EFR3A: variants seen among roughly 807,000 people sequenced by gnomAD.
EFR3A encodes EFR3 homolog A, also known as protein EFR3 homolog A.
A neutral mutation model predicts 104.4 loss-of-function variants in EFR3A; 76 were observed. The ratio of observed to expected loss-of-function variants is 0.73; its 90% CI spans 0.60 to 0.88. EFR3A has a LOEUF of 0.88. EFR3A is among the 40% of genes least tolerant of loss of function. The pLI is 0.00. For missense variants in EFR3A, 985 were observed against 1,012.5 expected, an observed-to-expected ratio of 0.97 and a Z score of 0.37; for synonymous variants, 330 against 330.0, an observed-to-expected ratio of 1.00 and a Z score of 0.00.
At chr8:131,990,139 TC>T (rs1821096167) in intron 18 of EFR3A, among the ~76,000 whole-genome samples, 1 of 152,218 alleles carries the variant, frequency 6.6e-6, no homozygotes, top group Non-Finnish European at 1.5e-5. Flanking sequence ...GTCCCTACTT[TC>T]ACAAAGCTCA....
intron 22 of EFR3A, among the ~76,000 whole-genome samples, chr8:132,004,270 G>A (rs1354414759): frequency 6.6e-6 from 1 of 152,216 alleles, no homozygotes; most frequent in African/African-American, 2.4e-5. Flanking sequence ...TCAGTCCAGA[G>A]ACCTGTACTG....
At chr8:131,935,323 G>T (rs74509755) in intron 1 of EFR3A, among the ~76,000 whole-genome samples, 13,876 of 152,124 alleles carry the variant, frequency 0.091, 826 homozygotes, top group South Asian at 0.22. Flanking sequence ...TCTGCTTTAT[G>T]CCTGACATGC....
At chr8:131,980,465 T>A (rs1820551260) in intron 14 of EFR3A, among the ~76,000 whole-genome samples, 1 of 152,156 alleles carries the variant, frequency 6.6e-6, no homozygotes, top group Admixed American at 6.6e-5. Context: ...TATTTTTGTA[T>A]TTCTTTATAT....
At chr8:131,978,400 C>G (rs1230477870) in intron 12 of EFR3A, among the ~76,000 whole-genome samples, 3 of 152,174 alleles carry the variant, frequency 2.0e-5, no homozygotes, top group Admixed American at 1.3e-4. Context: ...TATTAACCAA[C>G]TGCCTAATTT....
chr8:131,933,228 C>T (rs185742984), intron 1 of EFR3A, among the ~76,000 whole-genome samples: 63 of 152,152 alleles, frequency 4.1e-4, no homozygotes, highest in South Asian at 2.9e-3. Flanking sequence ...ATTGGGACAC[C>T]GGGGCGGTAT....
At chr8:131,961,586 T>C (rs1819334088) in intron 8 of EFR3A, among the ~76,000 whole-genome samples, 2 of 152,324 alleles carry the variant, frequency 1.3e-5, no homozygotes, top group South Asian at 4.1e-4. Flanking sequence ...TACGTCTGAT[T>C]GGTGTACCTG....
Position 132,013,051 on chromosome 8 carries a change from A to T in EFR3A, c.*2156A>T, listed in dbSNP as rs1031082433. On this transcript the variant is annotated 3_prime_UTR_variant, in exon 23 of 23. Coordinates refer to ENST00000254624, the MANE Select transcript of EFR3A (RefSeq NM_015137.6). ...GATCTTTTCACTGGCTGACTCTCCC[A>T]TATCTGCAAGAGATTCTGCAGGAAC... The T allele has an allele frequency of 6.6e-6, 1 of 152,174 alleles. No homozygotes were observed. The highest frequency in any genetic ancestry group is 2.4e-5 in the African/African-American group (1 of 41,432). The allele number at this position is 152,174 out of a possible 1,614,324, so 9.4% of individuals were successfully genotyped here.
chr8:131,970,046 CTTCA>C (rs1819962957), intron 9 of EFR3A, among the ~76,000 whole-genome samples: 1 of 152,142 alleles, frequency 6.6e-6, no homozygotes, highest in Non-Finnish European at 1.5e-5. Flanking sequence ...CATATTCTCC[CTTCA>C]GTCTCAAAAG....
chr8:131,975,407 T>C (rs1246604642), intron 10 of EFR3A, among the ~76,000 whole-genome samples: 2 of 137,288 alleles, frequency 1.5e-5, no homozygotes, highest in African/African-American at 5.2e-5. Flanking sequence ...TCTTTTTTTT[T>C]TCCTATTTTT....
intron 10 of EFR3A, among the ~76,000 whole-genome samples, chr8:131,970,935 G>C (rs539061444): frequency 2.0e-5 from 3 of 151,194 alleles, no homozygotes; most frequent in Non-Finnish European, 3.0e-5. Context: ...CTCTCTCTCT[G>C]TTTCTTTCTC....
intron 11 of EFR3A, among the ~76,000 whole-genome samples, chr8:131,976,770 T>C (rs1820345834): frequency 6.6e-6 from 1 of 152,144 alleles, no homozygotes; most frequent in Non-Finnish European, 1.5e-5. Flanking sequence ...GGTTGTTTAG[T>C]TGTCTGTTTA....
chr8:131,911,359 A>G (rs1816502193), intron 1 of EFR3A, among the ~76,000 whole-genome samples: 1 of 152,112 alleles, frequency 6.6e-6, no homozygotes, highest in Non-Finnish European at 1.5e-5. Context: ...TAATATATAG[A>G]TGGATATTCA....
intron 1 of EFR3A, among the ~76,000 whole-genome samples, chr8:131,909,382 A>C (rs987529092): frequency 3.3e-5 from 5 of 151,908 alleles, no homozygotes; most frequent in African/African-American, 1.2e-4. Flanking sequence ...CCCCGCCTCT[A>C]CAGAAAAATT....
chr8:131,916,481 A>AT (rs1202967026), intron 1 of EFR3A, among the ~76,000 whole-genome samples: 3 of 152,170 alleles, frequency 2.0e-5, no homozygotes, highest in African/African-American at 7.2e-5. Context: ...GAGATGGAAG[A>AT]TGAGTCCATT....
intron 8 of EFR3A, among the ~76,000 whole-genome samples, chr8:131,966,120 T>C (rs578235468): frequency 3.3e-5 from 5 of 152,044 alleles, no homozygotes; most frequent in Admixed American, 1.3e-4. Flanking sequence ...AAATGACGAG[T>C]TAATGGGTGC....
chr8:132,010,423 T>G (rs1350367620), intron 22 of EFR3A, among the ~76,000 whole-genome samples: 2 of 98,588 alleles, frequency 2.0e-5, no homozygotes, highest in African/African-American at 3.9e-5. Context: ...TATATATATA[T>G]ATATATATAT....
At chr8:131,946,080 T>G (rs1818424556) in intron 3 of EFR3A, among the ~76,000 whole-genome samples, 1 of 152,074 alleles carries the variant, frequency 6.6e-6, no homozygotes. Flanking sequence ...GATAGTGTTT[T>G]ATCTACTCAT....
chr8:132,006,512 C>T (rs756338742), intron 22 of EFR3A, among the ~76,000 whole-genome samples: 17 of 151,940 alleles, frequency 1.1e-4, no homozygotes, highest in Non-Finnish European at 1.6e-4. Context: ...ATCCAAATAA[C>T]CCTATAACTG....
chr8:131,913,521 A>G lies in EFR3A; in HGVS notation c.10+9199A>G, dbSNP rs189888258. On this transcript the variant is annotated intron_variant, in intron 1 of 22. Coordinates refer to ENST00000254624, the MANE Select transcript of EFR3A (RefSeq NM_015137.6). Reference sequence around the variant, plus strand: ...AGTTTTCTGTATTCTTAAATTAGGCATTAAGCCATTTGCTTTACAGTCTTT... The same window carrying G: ...AGTTTTCTGTATTCTTAAATTAGGCGTTAAGCCATTTGCTTTACAGTCTTT... Among the ~76,000 whole-genome samples the G allele has an allele frequency of 3.3e-4, 50 of 151,964 alleles. No individual in the cohort carries two copies. In the East Asian group the frequency reaches 8.1e-3, roughly 25 times the overall value.
Sources: allele counts gnomAD v4.1 joint callset (sites outside exome capture counted in the v4.1 genomes callset), GRCh38; gene constraint gnomAD v4.1.1; transcripts MANE v1.5; gene names NCBI Gene and HGNC (gene_info 2026-07-23, HGNC 2026-07-21).